TMED2: variants seen among roughly 807,000 people sequenced by gnomAD.
The protein encoded by TMED2 is transmembrane p24 trafficking protein 2, also known as transmembrane emp24 domain-containing protein 2.
TMED2 carries 3 observed loss-of-function variants against 17.5 expected under a neutral mutation model. That is an observed-to-expected ratio of 0.17 (90% CI 0.08 to 0.44). The LOEUF is 0.44. Among genes scored for constraint, TMED2 ranks in the 20% least tolerant of loss-of-function variants. The pLI is 0.99. For synonymous variants in TMED2, 95 were observed against 91.0 expected, an observed-to-expected ratio of 1.04 and a Z score of -0.25; for missense variants, 149 against 254.8, an observed-to-expected ratio of 0.58 and a Z score of 2.83.
intron 2 of TMED2, 114 bp downstream of exon 2, chr12:123,587,053 C>G (rs1214052339): frequency 9.7e-7 from 1 of 1,027,040 alleles, no homozygotes; most frequent in African/African-American, 1.7e-5. Context: ...TAACCAAAAC[C>G]TTTTTGTGAA....
rs33927197 is a variant in TMED2 at position 123,597,847 on chromosome 12, C to CTTT, written c.*1132_*1134dup. The stretch of plus-strand genomic sequence containing the variant: ...GACTGATACATATTAGTTACTTGTG[C>CTTT]TTTTTTTTTTTTTTTTGGATCTTTG... On this transcript the variant is annotated 3_prime_UTR_variant, in exon 4 of 4. Coordinates refer to ENST00000262225, the MANE Select transcript of TMED2 (RefSeq NM_006815.4). 839 of 138,418 alleles carry CTTT rather than the reference C, an allele frequency of 6.1e-3. 9 individuals carry two copies. Among genetic ancestry groups the CTTT allele is most frequent in the African/African-American group, 0.021 (770 of 37,384 alleles). The allele number at this position is 138,418 out of a possible 1,614,324, so 8.6% of individuals were successfully genotyped here.
At position 123,586,789 on chromosome 12, in the gene TMED2, G is replaced by C. The variant is rs1953349535; in HGVS notation, c.223G>C (p.Glu75Gln). Residue 75 changes from glutamate to glutamine, a missense_variant, in exon 2 of 4, where the codon GAA becomes CAA. Coordinates refer to ENST00000262225, the MANE Select transcript of TMED2 (RefSeq NM_006815.4). ...CAAAGGAATTTACAAAGGAGACAGAGAATCCAGTGGGAAATACACATTTGC... is the reference window on the plus strand; with the variant it reads ...CAAAGGAATTTACAAAGGAGACAGACAATCCAGTGGGAAATACACATTTGC... The part of the protein sequence containing the change: ...DNKGIYKGDR[E>Q]SSGKYTFAAH... 1.2e-6 allele frequency: 2 copies of C among 1,609,224 alleles called. No homozygotes were observed. Among genetic ancestry groups the C allele is most frequent in the Non-Finnish European group, 1.7e-6 (2 of 1,178,024 alleles).
intron 3 of TMED2, among the ~76,000 whole-genome samples, chr12:123,594,704 A>G (rs989386858): frequency 2.7e-5 from 4 of 150,458 alleles, no homozygotes; most frequent in Non-Finnish European, 5.9e-5. Flanking sequence ...CCTGACTAAC[A>G]TGGAGAAACC....
At chr12:123,596,542 T>C (rs1420633778) in intron 3 of TMED2, 63 bp from the exon 4 acceptor site, 8 of 1,546,586 alleles carry the variant, frequency 5.2e-6, no homozygotes, top group Non-Finnish European at 5.2e-6. Context: ...AAAATATTTA[T>C]GATGCCTATG....
intron 2 of TMED2, among the ~76,000 whole-genome samples, chr12:123,589,925 C>T (rs1198947904): frequency 6.6e-6 from 1 of 150,750 alleles, no homozygotes; most frequent in Non-Finnish European, 1.5e-5. Context: ...TTTTAGGTTA[C>T]AGTGAGCTAT....
intron 2 of TMED2, among the ~76,000 whole-genome samples, chr12:123,588,160 T>C (rs1311352449): frequency 6.6e-6 from 1 of 152,018 alleles, no homozygotes; most frequent in Admixed American, 6.6e-5. Context: ...GATAAATTGC[T>C]TACCGGGAGC....
At chr12:123,587,120 GTGTT>G (rs1459445967) in intron 2 of TMED2, among the ~76,000 whole-genome samples, 181 bp downstream of exon 2, 1 of 151,988 alleles carries the variant, frequency 6.6e-6, no homozygotes, top group Non-Finnish European at 1.5e-5. Flanking sequence ...CTTGAGGCTA[GTGTT>G]TGTTTTTTTG....
chr12:123,593,805 C>A (rs1953410505), intron 3 of TMED2, among the ~76,000 whole-genome samples: 1 of 151,402 alleles, frequency 6.6e-6, no homozygotes, highest in Admixed American at 6.6e-5. Flanking sequence ...GCCCTATTTT[C>A]TTTTTAGAGA....
intron 3 of TMED2, among the ~76,000 whole-genome samples, chr12:123,591,403 TGACA>T (rs917211261): frequency 3.9e-5 from 6 of 152,228 alleles, no homozygotes; most frequent in African/African-American, 1.4e-4. Flanking sequence ...GGTACTATAT[TGACA>T]GACAGACCAA....
chr12:123,594,660 G>C (rs965172204), intron 3 of TMED2, among the ~76,000 whole-genome samples: 2 of 151,424 alleles, frequency 1.3e-5, no homozygotes, highest in Non-Finnish European at 2.9e-5. Context: ...GGCCGAGGTG[G>C]GTGGATCACC....
At position 123,584,844 on chromosome 12, in the gene TMED2, C is replaced by G. The variant is rs762369171; in HGVS notation, c.180+28C>G. Reference sequence around the variant, plus strand: ...GCGGGCTAGCTGCCCGCAGCTGAGGCTTGGTCGCGTGGCCACTCGGGGATT... The same window carrying G: ...GCGGGCTAGCTGCCCGCAGCTGAGGGTTGGTCGCGTGGCCACTCGGGGATT... On this transcript the variant is annotated intron_variant, in intron 1 of 3. Coordinates refer to ENST00000262225, the MANE Select transcript of TMED2 (RefSeq NM_006815.4). 1.4e-5 allele frequency: 22 copies of G among 1,601,354 alleles called. 1 individual carries two copies. The South Asian group carries it at 2.2e-4, about 16-fold the overall frequency.
At chr12:123,594,887 C>T (rs1175803879) in intron 3 of TMED2, among the ~76,000 whole-genome samples, 2 of 146,606 alleles carry the variant, frequency 1.4e-5, no homozygotes, top group Admixed American at 1.4e-4. Flanking sequence ...AACTCTGTCT[C>T]AAAACATAAA....
At chr12:123,590,611 G>A (rs1299962306) in intron 3 of TMED2, 162 bp downstream of exon 3, 3 of 467,386 alleles carry the variant, frequency 6.4e-6, no homozygotes, top group Admixed American at 3.8e-5. Flanking sequence ...ATACACATGT[G>A]TGGAGCTTTG....
At chr12:123,585,800 G>C (rs117471919) in intron 1 of TMED2, 5 of 152,232 alleles carry the variant, frequency 3.3e-5, no homozygotes, top group African/African-American at 1.2e-4. Context: ...ACTGGGATGA[G>C]AGTTTGGGTC....
chr12:123,596,868 TG>T lies in TMED2; in HGVS notation c.*144del. 1 of 1,162,636 alleles carries T rather than the reference TG, an allele frequency of 8.6e-7. No individual in the cohort carries two copies. The highest frequency in any genetic ancestry group is 1.1e-6 in the Non-Finnish European group (1 of 890,194). The allele number at this position is 1,162,636 out of a possible 1,614,324, so 72.0% of individuals were successfully genotyped here. A position where few individuals can be genotyped will look rare whatever the true frequency, so the allele number is the denominator to read the frequency against. Reference sequence around the variant, plus strand: ...ATGTTTCTTTGAGATTAATAGATATTGGGGGAAAAACGCCTTTTTAGGAAAA... The same window carrying T: ...ATGTTTCTTTGAGATTAATAGATATTGGGGAAAAACGCCTTTTTAGGAAAA... On this transcript the variant is annotated 3_prime_UTR_variant, in exon 4 of 4. Transcript: ENST00000262225.
chr12:123,586,762 A>G lies in TMED2; in HGVS notation c.196A>G (p.Asn66Asp). The change falls in exon 2 of 4, where the codon AAC becomes GAC. Residue 66 changes from asparagine to aspartate, a missense_variant. By Grantham distance (23) the Asn-to-Asp change is conservative. Transcript: ENST00000262225. ...TTGCCTCCAGATTACAGGACCAGAT[A>G]ACAAAGGAATTTACAAAGGAGACAG... ...DIDVEITGPD[N>D]KGIYKGDRES... 1 of 1,602,368 alleles carries G rather than the reference A, an allele frequency of 6.2e-7. No homozygotes were observed. Among genetic ancestry groups the G allele is most frequent in the Non-Finnish European group, 8.5e-7 (1 of 1,174,174 alleles).
chr12:123,592,198 T>A (rs1953397174), intron 3 of TMED2, among the ~76,000 whole-genome samples: 1 of 152,174 alleles, frequency 6.6e-6, no homozygotes, highest in African/African-American at 2.4e-5. Flanking sequence ...TGCCTCACAA[T>A]TTTGTCTCCT....
chr12:123,587,116 G>T (rs982084531), intron 2 of TMED2, among the ~76,000 whole-genome samples, 177 bp downstream of exon 2: 1 of 151,894 alleles, frequency 6.6e-6, no homozygotes, highest in Non-Finnish European at 1.5e-5. Flanking sequence ...GTTTCTTGAG[G>T]CTAGTGTTTG....
intron 3 of TMED2, among the ~76,000 whole-genome samples, chr12:123,595,220 C>G (rs1325787174): frequency 6.6e-6 from 1 of 151,986 alleles, no homozygotes; most frequent in Non-Finnish European, 1.5e-5. Context: ...CAGTGAGACT[C>G]TGACTCAAAA....
Sources: allele counts gnomAD v4.1 joint callset (sites outside exome capture counted in the v4.1 genomes callset), GRCh38; gene constraint gnomAD v4.1.1; transcripts MANE v1.5; gene names NCBI Gene and HGNC (gene_info 2026-07-23, HGNC 2026-07-21).